The following GALNT9 variants were observed in gnomAD, a reference collection of about 807,000 sequenced individuals.
The protein encoded by GALNT9 is GalNAc transferase 9.
In GALNT9, 47 loss-of-function variants were observed where a neutral mutation model predicts 63.1. The observed-to-expected ratio is 0.75, with a 90% confidence interval of 0.59 to 0.95. The LOEUF is 0.95. GALNT9 is among the 40% of genes least tolerant of loss of function. GALNT9 has a pLI of 0.00. For missense variants in GALNT9, 829 were observed against 874.8 expected (o/e 0.95, Z 0.66); for synonymous variants, 396 against 365.7 (o/e 1.08, Z -0.94).
chr12:132,288,649 A>C (rs1051404112), intron 1 of GALNT9, among the ~76,000 whole-genome samples: 1 of 151,362 alleles, frequency 6.6e-6, no homozygotes, highest in Middle Eastern at 3.4e-3. Context: ...AGGGTGGCTG[A>C]GCGTGGTTCC....
At chr12:132,256,467 G>A (rs150706609) in intron 5 of GALNT9, among the ~76,000 whole-genome samples, 96 of 151,320 alleles carry the variant, frequency 6.3e-4, no homozygotes, top group Non-Finnish European at 1.1e-3. Context: ...GAGTAACGCC[G>A]CTGTGAACGT....
intron 1 of GALNT9, among the ~76,000 whole-genome samples, chr12:132,321,815 CCACACACCTGTCCCCT>C (rs1217897888): frequency 6.6e-6 from 1 of 152,074 alleles, no homozygotes; most frequent in Admixed American, 6.5e-5. Context: ...ACACAGGAGC[CCACACACCTGTCCCCT>C]CACACACCTG....
chr12:132,281,374 G>C (rs935074490), intron 2 of GALNT9, among the ~76,000 whole-genome samples: 2 of 152,228 alleles, frequency 1.3e-5, no homozygotes, highest in African/African-American at 2.4e-5. Context: ...CTTCGCATTC[G>C]AGCTTCTCAG....
At chr12:132,264,856 C>T (rs956904482) in intron 2 of GALNT9, among the ~76,000 whole-genome samples, 1 of 152,196 alleles carries the variant, frequency 6.6e-6, no homozygotes, top group Non-Finnish European at 1.5e-5. Flanking sequence ...ATGTTCCTGA[C>T]AGGGAGCAGC....
At chr12:132,241,101 T>C (rs1878308239) in intron 6 of GALNT9, among the ~76,000 whole-genome samples, 2 of 124,080 alleles carry the variant, frequency 1.6e-5, no homozygotes, top group East Asian at 2.4e-4. Context: ...GCCCTCCCTA[T>C]ACCCATTACA....
At chr12:132,311,886 C>T (rs1555245236) in intron 1 of GALNT9, among the ~76,000 whole-genome samples, 1 of 152,186 alleles carries the variant, frequency 6.6e-6, no homozygotes, top group Non-Finnish European at 1.5e-5. Context: ...CTCCCTTGCC[C>T]CTCTCTTTAT....
intron 4 of GALNT9, among the ~76,000 whole-genome samples, chr12:132,258,613 G>A (rs782242753): frequency 3.9e-5 from 6 of 152,206 alleles, no homozygotes; most frequent in African/African-American, 9.7e-5. Context: ...CAGCTGCACC[G>A]AAGCCCGGGC....
chr12:132,269,538 C>T (rs999874352), intron 2 of GALNT9, among the ~76,000 whole-genome samples: 2 of 152,180 alleles, frequency 1.3e-5, no homozygotes, highest in Non-Finnish European at 2.9e-5. Flanking sequence ...GGCGGGGTGG[C>T]CTTTTCCTGG....
chr12:132,258,973 GGAGA>G (rs1879260273), intron 4 of GALNT9, among the ~76,000 whole-genome samples: 1 of 152,236 alleles, frequency 6.6e-6, no homozygotes, highest in Admixed American at 6.5e-5. Context: ...GCCGGCATGG[GGAGA>G]GGCAAGGCCC....
At chr12:132,198,687 C>T (rs568739992) in intron 9 of GALNT9, among the ~76,000 whole-genome samples, 17 of 152,270 alleles carry the variant, frequency 1.1e-4, no homozygotes, top group South Asian at 8.3e-4. Context: ...GATACGGTCT[C>T]GCTCTGTTGC....
chr12:132,257,524 CCGGCCCT>C, intron 5 of GALNT9, among the ~76,000 whole-genome samples, 158 bp downstream of exon 5: 1 of 117,742 alleles, frequency 8.5e-6, no homozygotes, highest in South Asian at 3.1e-4. Context: ...GCCCTCGTCC[CCGGCCCT>C]CATCCCCACG....
At position 132,319,255 on chromosome 12, in the gene GALNT9, G is replaced by T. The variant is rs1171559424; in HGVS notation, c.238+9711C>A. Reference sequence around the variant, plus strand: ...TGAATCAGGGGGCTGAGGAAGAAAGGTCTGTCCTCCCCAGTGCAGACAGGG... The same window carrying T: ...TGAATCAGGGGGCTGAGGAAGAAAGTTCTGTCCTCCCCAGTGCAGACAGGG... On this transcript the variant is annotated intron_variant, in intron 1 of 10. Coordinates refer to ENST00000328957, the MANE Select transcript of GALNT9 (RefSeq NM_001122636.2). The surrounding 1 kb of genome is among the most constrained non-coding windows in gnomAD (Gnocchi z 5.2). Among the ~76,000 whole-genome samples, 1 of 152,170 alleles carries T rather than the reference G, an allele frequency of 6.6e-6. No homozygotes were observed. The highest frequency in any genetic ancestry group is 2.4e-5 in the African/African-American group (1 of 41,442).
In GALNT9 at chr12:132,246,661, T is replaced by C. The variant is rs1555238019; in HGVS notation, c.1077+1249A>G. 6.6e-6 allele frequency among the ~76,000 whole-genome samples: 1 copy of C among 152,148 alleles called. No homozygotes were observed. Among genetic ancestry groups the C allele is most frequent in the East Asian group, 1.9e-4 (1 of 5,194 alleles). ...GATTCTCCTGCCTCAGCCTCCTGAG[T>C]AGCTGGGATTATAGGCATGCACCAC... On this transcript the variant is annotated intron_variant, in intron 6 of 10. Transcript: ENST00000328957. The surrounding 1 kb of genome is among the most constrained non-coding windows in gnomAD (Gnocchi z 4.7).
chr12:132,321,980 C>T (rs1555246189), intron 1 of GALNT9, among the ~76,000 whole-genome samples: 2 of 151,660 alleles, frequency 1.3e-5, no homozygotes, highest in Admixed American at 6.6e-5. Flanking sequence ...CCGCCTCGGC[C>T]CCCAAGGGGC....
chr12:132,235,503 G>T (rs891631319), intron 6 of GALNT9, among the ~76,000 whole-genome samples: 1 of 152,078 alleles, frequency 6.6e-6, no homozygotes, highest in Non-Finnish European at 1.5e-5. Flanking sequence ...GGCACAGCTC[G>T]GAGGTGGGGA....
At chr12:132,312,946 C>T (rs1358010953) in intron 1 of GALNT9, among the ~76,000 whole-genome samples, 2 of 152,122 alleles carry the variant, frequency 1.3e-5, no homozygotes, top group East Asian at 1.9e-4. Flanking sequence ...CTGCCTTCCT[C>T]GTCTTCTCTC....
intron 6 of GALNT9, among the ~76,000 whole-genome samples, chr12:132,208,258 C>CT (rs35958822): frequency 0.46 from 69,395 of 152,142 alleles, 16,367 homozygotes; most frequent in Non-Finnish European, 0.51. Context: ...CTTGGCCCCC[C>CT]TCTCAGGGGC....
rs28537135 is a variant in GALNT9, at chr12:132,247,816, C to A, written c.1077+94G>T. 5 of 1,524,946 alleles carry A rather than the reference C, an allele frequency of 3.3e-6. No homozygotes were observed. In the Admixed American group the frequency reaches 1.0e-4, roughly 30 times the overall value. The allele number at this position is 1,524,946 out of a possible 1,614,324, so 94.5% of individuals were successfully genotyped here. On this transcript the variant is annotated intron_variant, in intron 6 of 10. Transcript: ENST00000328957. ...GCCACACTCGCCCTCACCCCGTCCC[C>A]GGACACCGCGGCCTCACTCGCCCTC...
chr12:132,204,307 T>A (rs1052088251), intron 6 of GALNT9, among the ~76,000 whole-genome samples: 2 of 152,234 alleles, frequency 1.3e-5, no homozygotes, highest in Admixed American at 6.5e-5. Context: ...TACGTGCTCT[T>A]TCACTCCGGT....
Sources: allele counts gnomAD v4.1 joint callset (sites outside exome capture counted in the v4.1 genomes callset), GRCh38; gene constraint gnomAD v4.1.1; non-coding constraint Gnocchi (gnomAD v3.1); transcripts MANE v1.5; gene names NCBI Gene and HGNC (gene_info 2026-07-23, HGNC 2026-07-21).